The following ARHGAP6 variants were observed in gnomAD, a reference collection of about 807,000 sequenced individuals.
ARHGAP6 encodes the protein Rho GTPase activating protein 6.
A neutral mutation model predicts 55.7 loss-of-function variants in ARHGAP6; 16 were observed. The observed-to-expected ratio is 0.29, with a 90% CI of 0.19 to 0.44. ARHGAP6 has a LOEUF of 0.44. ARHGAP6 is among the 20% of genes least tolerant of loss of function. The pLI is 1.00. For synonymous variants in ARHGAP6, 382 were observed against 360.9 expected (o/e 1.06, Z -0.66); for missense variants, 698 against 808.9 (o/e 0.86, Z 1.66).
intron 1 of ARHGAP6, among the ~76,000 whole-genome samples, chrX:11,623,734 G>T: frequency 9.5e-6 from 1 of 104,847 alleles, no homozygotes; most frequent in Non-Finnish European, 2.0e-5. Flanking sequence ...GGACATAAAA[G>T]ACATAAAATA....
chrX:11,592,804 G>A (rs930552324), intron 1 of ARHGAP6, among the ~76,000 whole-genome samples: 11 of 111,570 alleles, frequency 9.9e-5, no homozygotes, highest in Non-Finnish European at 5.6e-5. Context: ...GGAGTTGTTT[G>A]TTAGCTCAGA....
At position 11,441,710 on chromosome X, in the gene ARHGAP6, G is replaced by A. The variant is rs978408194; in HGVS notation, c.589-187003C>T. On this transcript the variant is annotated intron_variant, in intron 1 of 12. Coordinates refer to ENST00000337414, the MANE Select transcript of ARHGAP6 (RefSeq NM_013427.3). ...ATTTTCACAAAATCGAGAGTCATGA[G>A]ATTTTCTGTGTTTTCTCCTAAACTA... is the stretch of plus-strand genomic sequence containing the variant. Among the ~76,000 whole-genome samples, 8 of 111,756 alleles carry A rather than the reference G, an allele frequency of 7.2e-5. No individual in the cohort carries two copies. The Admixed American group carries it at 7.6e-4, about 11-fold the overall frequency.
chrX:11,426,916 C>G (rs1188402333), intron 1 of ARHGAP6, among the ~76,000 whole-genome samples: 1 of 110,186 alleles, frequency 9.1e-6, no homozygotes, highest in Admixed American at 9.7e-5. Context: ...CCCAGTAAAT[C>G]TTTGTATCAA....
intron 5 of ARHGAP6, among the ~76,000 whole-genome samples, chrX:11,185,811 A>C (rs185148198): frequency 1.8e-5 from 2 of 112,113 alleles, no homozygotes; most frequent in African/African-American, 6.5e-5. Context: ...CACTTAAGCA[A>C]TGATTCCCCA....
intron 6 of ARHGAP6, among the ~76,000 whole-genome samples, chrX:11,180,907 A>G (rs2046306031): frequency 8.9e-6 from 1 of 112,545 alleles, no homozygotes; most frequent in African/African-American, 3.2e-5. Context: ...GTACATGCAG[A>G]AAGAATGGAA....
chrX:11,467,992 GAATAAATAAATA>G (rs1199877737), intron 1 of ARHGAP6, among the ~76,000 whole-genome samples: 55 of 39,700 alleles, frequency 1.4e-3, no homozygotes, highest in African/African-American at 2.2e-3. Flanking sequence ...ATGAATGAAT[GAATAAATAAATA>G]AATAAATAAA....
chrX:11,491,504 A>G (rs1038272134), intron 1 of ARHGAP6, among the ~76,000 whole-genome samples: 2 of 111,136 alleles, frequency 1.8e-5, no homozygotes, highest in Admixed American at 9.5e-5. Context: ...GAGAATGATG[A>G]TTTCCAATTT....
chrX:11,638,219 C>G (rs1209379278), intron 1 of ARHGAP6, among the ~76,000 whole-genome samples: 1 of 111,776 alleles, frequency 8.9e-6, no homozygotes. Context: ...TTCTGACTAA[C>G]ATTTTCAGTT....
At chrX:11,492,254 C>T (rs1279751990) in intron 1 of ARHGAP6, among the ~76,000 whole-genome samples, 1 of 110,614 alleles carries the variant, frequency 9.0e-6, no homozygotes, top group Non-Finnish European at 1.9e-5. Flanking sequence ...GTTGCCATTG[C>T]TTTTGGTGTT....
intron 1 of ARHGAP6, among the ~76,000 whole-genome samples, chrX:11,537,175 T>C (rs894342803): frequency 1.8e-5 from 2 of 112,330 alleles, no homozygotes; most frequent in Non-Finnish European, 3.8e-5. Context: ...TTCTAAACAA[T>C]GAGAGGGAAT....
At chrX:11,519,535 C>T (rs1356651623) in intron 1 of ARHGAP6, among the ~76,000 whole-genome samples, 2 of 110,862 alleles carry the variant, frequency 1.8e-5, no homozygotes, top group African/African-American at 6.6e-5. Context: ...CCAAGTCAAT[C>T]CTAAGCCAAA....
At chrX:11,320,535 C>A (rs1039416968) in intron 1 of ARHGAP6, among the ~76,000 whole-genome samples, 4 of 110,512 alleles carry the variant, frequency 3.6e-5, no homozygotes, top group African/African-American at 9.9e-5. Flanking sequence ...CAGATGAAGT[C>A]ACAGCAAAGA....
chrX:11,663,661 T>C (rs1220650389), intron 1 of ARHGAP6, among the ~76,000 whole-genome samples: 1 of 111,858 alleles, frequency 8.9e-6, no homozygotes, highest in African/African-American at 3.3e-5. Context: ...AGAGATTTTC[T>C]TCTTCTCCTA....
At chrX:11,473,233 G>T (rs769490257) in intron 1 of ARHGAP6, among the ~76,000 whole-genome samples, 2 of 111,353 alleles carry the variant, frequency 1.8e-5, no homozygotes, top group Non-Finnish European at 3.8e-5. Context: ...GGTACATACA[G>T]GGGTCAAAAA....
At chrX:11,417,103 T>C (rs1233224147) in intron 1 of ARHGAP6, among the ~76,000 whole-genome samples, 6 of 79,847 alleles carry the variant, frequency 7.5e-5, no homozygotes, top group South Asian at 6.1e-4. Context: ...TATATATATA[T>C]ATACACATAC....
chrX:11,466,443 T>G (rs2050294196), intron 1 of ARHGAP6, among the ~76,000 whole-genome samples: 1 of 110,970 alleles, frequency 9.0e-6, no homozygotes, highest in South Asian at 3.9e-4. Context: ...AAAAAACTAT[T>G]ACCACACCTC....
chrX:11,156,233 C>T (rs148631031), intron 10 of ARHGAP6, among the ~76,000 whole-genome samples: 1 of 112,257 alleles, frequency 8.9e-6, no homozygotes, highest in African/African-American at 3.2e-5. Context: ...GTATTATAGT[C>T]CCTTGCCAGT....
intron 1 of ARHGAP6, among the ~76,000 whole-genome samples, chrX:11,535,899 G>C (rs2051100225): frequency 8.9e-6 from 1 of 112,500 alleles, no homozygotes; most frequent in Admixed American, 9.4e-5. Flanking sequence ...TATGGCTCCT[G>C]AAAACTAGCT....
chrX:11,319,727 C>G, intron 1 of ARHGAP6, among the ~76,000 whole-genome samples: 1 of 112,070 alleles, frequency 8.9e-6, no homozygotes, highest in Non-Finnish European at 1.9e-5. Flanking sequence ...TATATTTTTC[C>G]TCCCAGGAGA....
Sources: gnomAD v4.1 joint callset for allele counts (sites outside exome capture counted in the v4.1 genomes callset) on GRCh38, gnomAD v4.1.1 for gene constraint, MANE v1.5 for transcripts, NCBI Gene and HGNC (gene_info 2026-07-23, HGNC 2026-07-21) for gene names.